SNX13: variants seen among roughly 807,000 people sequenced by gnomAD.
SNX13 encodes sorting nexin 13.
A neutral mutation model predicts 133.6 loss-of-function variants in SNX13; 45 were observed. That is an observed-to-expected ratio of 0.34 (90% CI 0.27 to 0.43). The LOEUF is 0.43. SNX13 is among the 20% of genes least tolerant of loss of function. SNX13 has a pLI of 1.00. For missense variants in SNX13, 1,032 were observed against 1,145.1 expected (o/e 0.90, Z 1.43); for synonymous variants, 414 against 373.9 (o/e 1.11, Z -1.24).
intron 5 of SNX13, chr7:17,889,805 T>C (rs1796432328): frequency 6.6e-6 from 1 of 152,208 alleles, no homozygotes; most frequent in Admixed American, 6.5e-5. Context: ...AGAATTTTAG[T>C]ATATCTGACA....
intron 13 of SNX13, among the ~76,000 whole-genome samples, chr7:17,837,158 C>T (rs774454252): frequency 4.0e-5 from 6 of 151,878 alleles, no homozygotes; most frequent in Non-Finnish European, 5.9e-5. Context: ...TTTTAAGAGG[C>T]AGAATATTGC....
intron 2 of SNX13, among the ~76,000 whole-genome samples, chr7:17,895,992 C>A (rs866226564): frequency 1.3e-5 from 2 of 150,918 alleles, no homozygotes; most frequent in Non-Finnish European, 3.0e-5. Context: ...TTCTACCTTT[C>A]AAAAAAAAAT....
intron 13 of SNX13, among the ~76,000 whole-genome samples, chr7:17,835,556 G>T (rs1789038662): frequency 6.6e-6 from 1 of 151,892 alleles, no homozygotes; most frequent in Admixed American, 6.6e-5. Flanking sequence ...AAAAAATGCT[G>T]AAAAGCTAGA....
chr7:17,905,147 T>C (rs745660551), intron 1 of SNX13, among the ~76,000 whole-genome samples: 21 of 152,164 alleles, frequency 1.4e-4, no homozygotes, highest in Admixed American at 2.0e-4. Context: ...CAGCAACATA[T>C]GCATGGCTAT....
chr7:17,903,245 G>C (rs1482362971), intron 1 of SNX13, among the ~76,000 whole-genome samples: 1 of 152,210 alleles, frequency 6.6e-6, no homozygotes, highest in Non-Finnish European at 1.5e-5. Flanking sequence ...TTATGATCCA[G>C]TGTGTCTGGG....
chr7:17,833,957 C>A (rs1562725746), intron 15 of SNX13, 95 bp downstream of exon 15: 1 of 945,872 alleles, frequency 1.1e-6, no homozygotes, highest in East Asian at 3.0e-5. Flanking sequence ...TATTTGGACT[C>A]CAACAACATT....
At chr7:17,845,570 A>T in intron 12 of SNX13, 25 bp downstream of exon 12, 1 of 1,416,276 alleles carries the variant, frequency 7.1e-7, no homozygotes, top group South Asian at 1.3e-5. Flanking sequence ...TGGCTGTATC[A>T]TTTAAATAGA....
At chr7:17,883,743 G>C (rs537199752) in intron 5 of SNX13, among the ~76,000 whole-genome samples, 1 of 151,874 alleles carries the variant, frequency 6.6e-6, no homozygotes, top group East Asian at 1.9e-4. Flanking sequence ...CCCGGTGTGT[G>C]ATGTTCCCCT....
intron 9 of SNX13, among the ~76,000 whole-genome samples, chr7:17,862,853 T>C (rs1281127914): frequency 6.6e-6 from 1 of 152,072 alleles, no homozygotes; most frequent in African/African-American, 2.4e-5. Context: ...TAAATAACCG[T>C]CCATGCACCT....
chr7:17,914,307 A>G (rs1799313807), intron 1 of SNX13, among the ~76,000 whole-genome samples: 1 of 152,226 alleles, frequency 6.6e-6, no homozygotes, highest in Admixed American at 6.5e-5. Flanking sequence ...CTTGGAAAAC[A>G]CATTTGAGGA....
At chr7:17,879,229 C>T (rs370018558) in intron 5 of SNX13, among the ~76,000 whole-genome samples, 2 of 152,134 alleles carry the variant, frequency 1.3e-5, no homozygotes, top group South Asian at 2.1e-4. Flanking sequence ...AATAGAGTCT[C>T]GCTATGTTGT....
At chr7:17,802,809 C>T (rs147855931) in intron 21 of SNX13, among the ~76,000 whole-genome samples, 230 of 152,078 alleles carry the variant, frequency 1.5e-3, no homozygotes, top group Middle Eastern at 3.4e-3. Flanking sequence ...CAAATAACTA[C>T]GTCAAAATGA....
intron 20 of SNX13, among the ~76,000 whole-genome samples, chr7:17,807,764 G>A (rs1785482816): frequency 6.6e-6 from 1 of 152,206 alleles, no homozygotes; most frequent in Non-Finnish European, 1.5e-5. Flanking sequence ...GCATCCAGAG[G>A]AAGGAACAGG....
chr7:17,830,922 C>T, intron 15 of SNX13: 1 of 984,310 alleles, frequency 1.0e-6, no homozygotes, highest in South Asian at 4.7e-5. Flanking sequence ...ATATTGCCTT[C>T]CAAATTTACT....
At chr7:17,862,208 T>C (rs965475990) in intron 9 of SNX13, among the ~76,000 whole-genome samples, 1 of 152,200 alleles carries the variant, frequency 6.6e-6, no homozygotes, top group Non-Finnish European at 1.5e-5. Flanking sequence ...GAGTGAGAGA[T>C]AACCATAACA....
At chr7:17,908,294 G>A (rs966613327) in intron 1 of SNX13, among the ~76,000 whole-genome samples, 4 of 152,022 alleles carry the variant, frequency 2.6e-5, no homozygotes, top group African/African-American at 9.7e-5. Flanking sequence ...CTTCATTATA[G>A]CTGCATGACT....
Position 17,792,331 on chromosome 7 carries a change from A to T in SNX13, c.*1714T>A, listed in dbSNP as rs916553499. ...ATTTCTTCCACCAGAGCCACTAAGG[A>T]TCTTTTCTCACTTGCAAGTTGCAAT... On this transcript the variant is annotated 3_prime_UTR_variant, in exon 26 of 26. Coordinates refer to ENST00000428135, the MANE Select transcript of SNX13 (RefSeq NM_015132.5). The T allele has an allele frequency of 6.6e-6, 1 of 151,988 alleles. No individual in the cohort carries two copies. Among genetic ancestry groups the T allele is most frequent in the Non-Finnish European group, 1.5e-5 (1 of 67,906 alleles). 9.4% of individuals were successfully genotyped at this position (151,988 alleles called of 1,614,324 possible).
At chr7:17,905,781 C>T (rs1375635727) in intron 1 of SNX13, among the ~76,000 whole-genome samples, 4 of 152,142 alleles carry the variant, frequency 2.6e-5, no homozygotes, top group African/African-American at 9.7e-5. Context: ...CTAAGCCCAA[C>T]GCTCAAGGCT....
chr7:17,829,388 T>G (rs1788235117), intron 16 of SNX13, among the ~76,000 whole-genome samples: 1 of 151,464 alleles, frequency 6.6e-6, no homozygotes, highest in African/African-American at 2.4e-5. Context: ...AACTGAAACT[T>G]TCATTATTTT....
Sources: allele counts gnomAD v4.1 joint callset (sites outside exome capture counted in the v4.1 genomes callset), GRCh38; gene constraint gnomAD v4.1.1; transcripts MANE v1.5; gene names NCBI Gene and HGNC (gene_info 2026-07-23, HGNC 2026-07-21).